The following HTRA4 variants were observed in gnomAD, a reference collection of about 807,000 sequenced individuals.
HTRA4 encodes the protein serine protease HTRA4.
A neutral mutation model predicts 49.1 loss-of-function variants in HTRA4; 46 were observed. The ratio of observed to expected loss-of-function variants is 0.94; its 90% CI spans 0.74 to 1.20. HTRA4 has a LOEUF of 1.20. Ranked by LOEUF, HTRA4 falls within the 50% of genes most tolerant of loss-of-function variation. The pLI, the probability that HTRA4 is intolerant of heterozygous loss-of-function variation, is 0.00. For missense variants in HTRA4, 602 were observed against 636.9 expected, an observed-to-expected ratio of 0.95 and a Z score of 0.59; for synonymous variants, 261 against 264.0, an observed-to-expected ratio of 0.99 and a Z score of 0.11.
In HTRA4 at chr8:38,975,054, A is replaced by G. The variant is rs1835331564; in HGVS notation, c.490A>G (p.Arg164Gly). The change falls in exon 2 of 9, where the codon AGG becomes GGG. Residue 164 changes from arginine (R) to glycine (G), a missense_variant. By Grantham distance (125) the Arg-to-Gly change is moderately radical. Transcript: ENST00000302495. ...AGGGACCAGAAGCGCAGGCCCGCTC[A>G]GGAGGAATTACAACTTCATCGCCGC... The part of the protein sequence containing the change: ...DTGTRSAGPL[R>G]RNYNFIAAVV... 6.2e-7 allele frequency: 1 copy of G among 1,614,128 alleles called. No individual in the cohort carries two copies. The highest frequency in any genetic ancestry group is 8.5e-7 in the Non-Finnish European group (1 of 1,180,024).
In HTRA4 at chr8:38,982,984, G is replaced by C; in HGVS notation, c.1204G>C (p.Asp402His). Residue 402 changes from aspartate (D) to histidine (H), a missense_variant, in exon 8 of 9, where the codon GAT (aspartate) becomes CAT (histidine). Asp to His is a moderately conservative substitution (Grantham distance 81). Transcript: ENST00000302495. ...LSEELKMHYP[D>H]FPDVSSGVYV... ...TGAAGAATTGAAAATGCATTATCCAGATTTCCCTGATGTGAGTTCTGGGGT... is the reference window on the plus strand; with the variant it reads ...TGAAGAATTGAAAATGCATTATCCACATTTCCCTGATGTGAGTTCTGGGGT... The C allele has an allele frequency of 1.2e-6, 2 of 1,613,686 alleles. No individual in the cohort carries two copies. The highest frequency in any genetic ancestry group is 1.7e-6 in the Non-Finnish European group (2 of 1,179,642).
chr8:38,976,748 T>G lies in HTRA4; in HGVS notation c.771+9T>G. The stretch of plus-strand genomic sequence containing the variant: ...TTAAGATTGAATCAAATGTGAGTAT[T>G]TCAGGGCTGAGTCAGAGTCTACATA... On this transcript the variant is annotated intron_variant, in intron 3 of 8. Transcript: ENST00000302495. 1 of 1,613,974 alleles carries G rather than the reference T, an allele frequency of 6.2e-7. No individual in the cohort carries two copies. The highest frequency in any genetic ancestry group is 1.1e-5 in the South Asian group (1 of 91,068).
intron 8 of HTRA4, 131 bp from the exon 9 acceptor site, chr8:38,987,805 G>A: frequency 1.5e-6 from 1 of 685,700 alleles, no homozygotes; most frequent in Non-Finnish European, 2.2e-6. Flanking sequence ...AAGGATTGAG[G>A]CTATTTTCTC....
chr8:38,985,858 T>A (rs1371469797), intron 8 of HTRA4, among the ~76,000 whole-genome samples: 1 of 152,238 alleles, frequency 6.6e-6, no homozygotes, highest in South Asian at 2.1e-4. Flanking sequence ...AGGTGATTCA[T>A]GTGTATGTTA....
chr8:38,974,622 G>C lies in HTRA4; in HGVS notation c.359G>C (p.Arg120Thr), dbSNP rs1835319970. 1.4e-6 allele frequency: 2 copies of C among 1,428,098 alleles called. No individual in the cohort carries two copies. Among genetic ancestry groups the C allele is most frequent in the Non-Finnish European group, 1.8e-6 (2 of 1,098,092 alleles). 88.5% of individuals were successfully genotyped at this position (1,428,098 alleles called of 1,614,324 possible). The change falls in exon 1 of 9, where the codon AGG becomes ACG. Residue 120 changes from arginine (R) to threonine (T), a missense_variant. Coordinates refer to ENST00000302495, the MANE Select transcript of HTRA4 (RefSeq NM_153692.4). ...GGAGGGGCCGTGTGCGGCAGCGACA[G>C]GCGCACCTACCCCAGCATGTGCGCG... ...TLGGAVCGSD[R>T]RTYPSMCALR...
chr8:38,981,063 G>GTTTT lies in HTRA4; in HGVS notation c.1000-559_1000-556dup, dbSNP rs71216700. 2.9e-3 allele frequency among the ~76,000 whole-genome samples: 142 copies of GTTTT among 48,146 alleles called. 8 individuals are homozygous for GTTTT. Among genetic ancestry groups the GTTTT allele is most frequent in the African/African-American group, 3.8e-3 (62 of 16,514 alleles). 31.6% of individuals were successfully genotyped at this position (48,146 alleles called of 152,430 possible). On this transcript the variant is annotated intron_variant, in intron 5 of 8. Coordinates refer to ENST00000302495, the MANE Select transcript of HTRA4 (RefSeq NM_153692.4). ...TACTAAAGGAAAAAAATGAGCTTAA[G>GTTTT]TTTTTTTTTTTTTTTTTTTTTTTTT...
chr8:38,976,682 T>C lies in HTRA4; in HGVS notation c.714T>C (p.Ala238=). Residue 238 remains alanine (A), a synonymous_variant, in exon 3 of 9, where the codon GCT becomes GCC. Transcript: ENST00000302495. ...TCCAGAATGGGGCCCGTTATGAAGC[T>C]GTTGTCAAGGATATTGACCTTAAAT... The part of the protein sequence containing the change: ...VVLQNGARYE[A]VVKDIDLKLD... 6.2e-7 allele frequency: 1 copy of C among 1,614,204 alleles called. No individual in the cohort carries two copies. The highest frequency in any genetic ancestry group is 1.3e-5 in the African/African-American group (1 of 75,052).
At chr8:38,977,881 C>T (rs1270993722) in intron 3 of HTRA4, 72 bp from the exon 4 acceptor site, 2 of 1,510,980 alleles carry the variant, frequency 1.3e-6, no homozygotes, top group Admixed American at 1.9e-5. Flanking sequence ...TAGACACACA[C>T]TTTGGTCAAT....
intron 8 of HTRA4, among the ~76,000 whole-genome samples, chr8:38,985,027 G>T (rs1835467568): frequency 6.6e-6 from 1 of 152,178 alleles, no homozygotes; most frequent in Non-Finnish European, 1.5e-5. Flanking sequence ...GTGTAATAAA[G>T]CAAAGGCTAG....
chr8:38,984,330 C>T (rs372844062), intron 8 of HTRA4, among the ~76,000 whole-genome samples: 5 of 150,208 alleles, frequency 3.3e-5, no homozygotes, highest in South Asian at 2.2e-4. Flanking sequence ...ACACATTTTT[C>T]GGCTGGGCAT....
In HTRA4 at chr8:38,988,245, T is replaced by C. The variant is rs1835511539; in HGVS notation, c.*147T>C. 1.5e-6 allele frequency: 1 copy of C among 667,080 alleles called. No homozygotes were observed. The highest frequency in any genetic ancestry group is 2.4e-6 in the Non-Finnish European group (1 of 409,272). 41.3% of individuals were successfully genotyped at this position (667,080 alleles called of 1,614,324 possible). A position where few individuals can be genotyped will look rare whatever the true frequency, so the allele number is the denominator to read the frequency against. ...GGATGGTTATCAACCCAAATGCCCA[T>C]CAATGACAGACTGGATAAAGCAAAT... On this transcript the variant is annotated 3_prime_UTR_variant, in exon 9 of 9. Transcript: ENST00000302495.
chr8:38,978,645 C>T (rs908245450), intron 4 of HTRA4, among the ~76,000 whole-genome samples: 1 of 152,146 alleles, frequency 6.6e-6, no homozygotes, highest in Admixed American at 6.5e-5. Context: ...TCGCTGTGAT[C>T]GCTGGCATCC....
At position 38,974,638 on chromosome 8, in the gene HTRA4, C is replaced by A; in HGVS notation, c.375C>A (p.Ser125Arg). The A allele has an allele frequency of 7.1e-7, 1 of 1,414,202 alleles. No individual in the cohort carries two copies. Among genetic ancestry groups the A allele is most frequent in the Non-Finnish European group, 9.1e-7 (1 of 1,093,004 alleles). 87.6% of individuals were successfully genotyped at this position (1,414,202 alleles called of 1,614,324 possible). ...GCAGCGACAGGCGCACCTACCCCAG[C>A]ATGTGCGCGCTCCGGGCCGAAAACC... ...VCGSDRRTYP[S>R]MCALRAENRA... is the part of the protein sequence containing the mutation. Residue 125 changes from serine to arginine, a missense_variant, in exon 1 of 9, where the codon AGC becomes AGA. Physicochemically the swap from Ser to Arg is moderately radical, Grantham distance 110. Coordinates refer to ENST00000302495, the MANE Select transcript of HTRA4 (RefSeq NM_153692.4).
chr8:38,983,058 G>T lies in HTRA4; in HGVS notation c.1268+10G>T, dbSNP rs1835443294. 1 of 1,583,574 alleles carries T rather than the reference G, an allele frequency of 6.3e-7. No individual in the cohort carries two copies. The highest frequency in any genetic ancestry group is 1.3e-5 in the African/African-American group (1 of 74,148). ...GAACAGCTGCTCAAAGGTAAGAGAAGTGAAGGCCTTTGTCATCTACCTTTG... is the reference window on the plus strand; with the variant it reads ...GAACAGCTGCTCAAAGGTAAGAGAATTGAAGGCCTTTGTCATCTACCTTTG... On this transcript the variant is annotated intron_variant, in intron 8 of 8. Coordinates refer to ENST00000302495, the MANE Select transcript of HTRA4 (RefSeq NM_153692.4).
rs572734830 is a variant in HTRA4 at position 38,982,448 on chromosome 8, G to A, written c.1115-50G>A. The stretch of plus-strand genomic sequence containing the variant: ...GGGACATGGGTGTCTTTTAAGCTGC[G>A]CTAACAGGAAAGAGGTTTTGTTGTA... On this transcript the variant is annotated intron_variant, in intron 6 of 8. Transcript: ENST00000302495. The A allele has an allele frequency of 5.5e-5, 83 of 1,514,726 alleles. No individual in the cohort carries two copies. In the South Asian group the frequency reaches 7.2e-4, roughly 13 times the overall value. The allele number at this position is 1,514,726 out of a possible 1,614,324, so 93.8% of individuals were successfully genotyped here. A position where few individuals can be genotyped will look rare whatever the true frequency, so the allele number is the denominator to read the frequency against.
In HTRA4 at chr8:38,974,998, G is replaced by C. The variant is rs372013951; in HGVS notation, c.467-33G>C. 7 of 1,609,672 alleles carry C rather than the reference G, an allele frequency of 4.3e-6. No individual in the cohort carries two copies. The African/African-American group carries it at 6.7e-5, about 15-fold the overall frequency. On this transcript the variant is annotated intron_variant, in intron 1 of 8. Transcript: ENST00000302495. ...CTAGGATAGCAGGTCTGGTTCCCTC[G>C]AGGCGTACTCTTGAGCCAGTATTTT...
chr8:38,980,842 A>T (rs191049989), intron 5 of HTRA4, among the ~76,000 whole-genome samples: 7 of 152,112 alleles, frequency 4.6e-5, no homozygotes, highest in Admixed American at 4.6e-4. Flanking sequence ...TTTCTACCTC[A>T]TACCTTTAGC....
intron 3 of HTRA4, among the ~76,000 whole-genome samples, chr8:38,977,083 C>T (rs1276202992): frequency 6.6e-6 from 1 of 151,972 alleles, no homozygotes; most frequent in Non-Finnish European, 1.5e-5. Flanking sequence ...TTACAGGTGC[C>T]TGCCACCACG....
In HTRA4 at chr8:38,975,071, C is replaced by T. The variant is rs758420397; in HGVS notation, c.507C>T (p.Phe169=). The T allele has an allele frequency of 2.5e-6, 4 of 1,614,078 alleles. No individual in the cohort carries two copies. The East Asian group carries it at 8.9e-5, about 36-fold the overall frequency. The part of the protein sequence containing the change: ...SAGPLRRNYN[F]IAAVVEKVAP... ...GCCCGCTCAGGAGGAATTACAACTTCATCGCCGCGGTGGTGGAGAAGGTGG... is the reference window on the plus strand; with the variant it reads ...GCCCGCTCAGGAGGAATTACAACTTTATCGCCGCGGTGGTGGAGAAGGTGG... The change falls in exon 2 of 9, where the codon TTC becomes TTT. Residue 169 remains phenylalanine (F), a synonymous_variant. Transcript: ENST00000302495.
Sources: gnomAD v4.1 joint callset for allele counts (sites outside exome capture counted in the v4.1 genomes callset) on GRCh38, gnomAD v4.1.1 for gene constraint, MANE v1.5 for transcripts, NCBI Gene and HGNC (gene_info 2026-07-23, HGNC 2026-07-21) for gene names.